FAM13C: variants seen among roughly 807,000 people sequenced by gnomAD.
FAM13C encodes family with sequence similarity 13 member C.
In FAM13C, 37 loss-of-function variants were observed where a neutral mutation model predicts 73.2. The observed-to-expected ratio is 0.51, with a 90% CI of 0.39 to 0.67. The LOEUF is 0.67. Ranked by LOEUF, FAM13C falls within the 30% of genes least tolerant of loss-of-function variation. The probability of loss-of-function intolerance (pLI) is 0.00; values close to 1 mark genes in which losing one functional copy is unlikely to be tolerated. For synonymous variants in FAM13C, 246 were observed against 260.9 expected, an observed-to-expected ratio of 0.94 and a Z score of 0.55; for missense variants, 589 against 715.6, an observed-to-expected ratio of 0.82 and a Z score of 2.02.
intron 7 of FAM13C, among the ~76,000 whole-genome samples, chr10:59,269,478 G>T (rs981544223): frequency 2.6e-5 from 4 of 151,406 alleles, no homozygotes; most frequent in African/African-American, 4.9e-5. Context: ...GCTATTGTAA[G>T]CTACCACTTT....
At chr10:59,283,535 G>C (rs1358231175) in intron 5 of FAM13C, 88 bp from the exon 6 acceptor site, 1 of 1,317,494 alleles carries the variant, frequency 7.6e-7, no homozygotes, top group Non-Finnish European at 1.1e-6. Flanking sequence ...AGAACATGAG[G>C]CCAGCTAAGT....
chr10:59,326,702 T>C (rs1851195062), intron 3 of FAM13C, among the ~76,000 whole-genome samples: 1 of 152,152 alleles, frequency 6.6e-6, no homozygotes, highest in Non-Finnish European at 1.5e-5. Context: ...TATGGGCAAA[T>C]AGCCCCAGCA....
intron 7 of FAM13C, among the ~76,000 whole-genome samples, chr10:59,269,035 T>G (rs1843398533): frequency 6.6e-6 from 1 of 152,170 alleles, no homozygotes; most frequent in African/African-American, 2.4e-5. Flanking sequence ...ACCAACATTT[T>G]CAAGGAAGAT....
intron 6 of FAM13C, among the ~76,000 whole-genome samples, chr10:59,274,399 C>T (rs1844087520): frequency 6.6e-6 from 1 of 152,110 alleles, no homozygotes; most frequent in South Asian, 2.1e-4. Flanking sequence ...GATGCAGTAT[C>T]GTCATGTCAG....
At chr10:59,329,385 A>C in intron 3 of FAM13C, among the ~76,000 whole-genome samples, 1 of 92,742 alleles carries the variant, frequency 1.1e-5, no homozygotes, top group Non-Finnish European at 2.0e-5. Context: ...TTTGAGACAG[A>C]ATCTTGCTCT....
At chr10:59,308,397 C>T (rs1361869143) in intron 4 of FAM13C, among the ~76,000 whole-genome samples, 12 of 151,948 alleles carry the variant, frequency 7.9e-5, no homozygotes, top group African/African-American at 2.9e-4. Flanking sequence ...CCACCATCAC[C>T]ACAACCACCA....
chr10:59,272,658 G>A (rs1464401723), intron 6 of FAM13C, among the ~76,000 whole-genome samples: 6 of 152,152 alleles, frequency 3.9e-5, no homozygotes, highest in African/African-American at 7.2e-5. Context: ...TCTGGGAGCC[G>A]GGAGTTTGGT....
At chr10:59,291,416 G>A (rs544528841) in intron 5 of FAM13C, among the ~76,000 whole-genome samples, 1 of 152,278 alleles carries the variant, frequency 6.6e-6, no homozygotes, top group Admixed American at 6.5e-5. Context: ...ATGGTTTGCA[G>A]CACAGCACAC....
intron 10 of FAM13C, among the ~76,000 whole-genome samples, chr10:59,259,710 A>G (rs1166097753): frequency 2.0e-5 from 3 of 152,204 alleles, no homozygotes; most frequent in African/African-American, 7.2e-5. Flanking sequence ...TAAACAAAAT[A>G]ATAGATACTT....
rs1003432948 is a variant in FAM13C, at chr10:59,273,516, AGTGACTCACT to A, written c.593-3417_593-3408del. ...TAATCATCATATCTAATATTTATGA[AGTGACTCACT>A]GTGTCCTCAATCTTATTCTGAGATT... On this transcript the variant is annotated intron_variant, in intron 6 of 13. Transcript: ENST00000618804. 1.1e-3 allele frequency among the ~76,000 whole-genome samples: 175 copies of A among 152,280 alleles called. 1 individual carries two copies. Among genetic ancestry groups the A allele is most frequent in the African/African-American group, 3.9e-3 (162 of 41,554 alleles).
At chr10:59,302,947 G>A in intron 4 of FAM13C, 83 bp from the exon 5 acceptor site, 1 of 1,256,772 alleles carries the variant, frequency 8.0e-7, no homozygotes, top group East Asian at 2.3e-5. Context: ...TACAAATCTG[G>A]CTGTACCCCT....
intron 5 of FAM13C, among the ~76,000 whole-genome samples, chr10:59,300,176 C>T (rs1847421932): frequency 6.6e-6 from 1 of 152,054 alleles, no homozygotes; most frequent in African/African-American, 2.4e-5. Flanking sequence ...CAAGCTGAGC[C>T]CCATCTGTCA....
At chr10:59,312,150 T>C (rs1291531605) in intron 4 of FAM13C, among the ~76,000 whole-genome samples, 1 of 152,122 alleles carries the variant, frequency 6.6e-6, no homozygotes, top group Non-Finnish European at 1.5e-5. Flanking sequence ...GACAGGTGAA[T>C]AGCTGATGAA....
intron 5 of FAM13C, 91 bp from the exon 6 acceptor site, chr10:59,283,538 A>G (rs775189903): frequency 1.6e-6 from 2 of 1,248,158 alleles, no homozygotes; most frequent in South Asian, 2.4e-5. Context: ...ACATGAGGCC[A>G]GCTAAGTAGA....
chr10:59,264,628 C>A (rs1026411576), intron 8 of FAM13C, among the ~76,000 whole-genome samples: 1 of 152,102 alleles, frequency 6.6e-6, no homozygotes, highest in African/African-American at 2.4e-5. Flanking sequence ...TGACCATAAC[C>A]CGTGGGAGAA....
intron 2 of FAM13C, among the ~76,000 whole-genome samples, chr10:59,353,986 G>A (rs1182320010): frequency 6.6e-6 from 1 of 152,062 alleles, no homozygotes; most frequent in Admixed American, 6.5e-5. Flanking sequence ...AACTATACTA[G>A]TTCATTTGAA....
rs774755628 is a variant in FAM13C, at chr10:59,270,132, C to G, written c.593-23G>C. The G allele has an allele frequency of 1.9e-6, 3 of 1,607,708 alleles. No individual in the cohort carries two copies. In the South Asian group the frequency reaches 3.3e-5, roughly 18 times the overall value. ...GGTCTGGGCAAATGAGACAAATCAT[C>G]AAGACTTAGAAGTGACAGAGGGCTT... On this transcript the variant is annotated intron_variant, in intron 6 of 13. Transcript: ENST00000618804.
chr10:59,250,992 A>C (rs989529831), intron 13 of FAM13C, among the ~76,000 whole-genome samples: 1 of 152,140 alleles, frequency 6.6e-6, no homozygotes, highest in Non-Finnish European at 1.5e-5. Flanking sequence ...ATGATACACC[A>C]AAAATTGGAG....
intron 6 of FAM13C, among the ~76,000 whole-genome samples, chr10:59,271,977 C>G (rs560507167): frequency 2.0e-5 from 3 of 152,152 alleles, no homozygotes; most frequent in Admixed American, 2.0e-4. Context: ...TTTTATAATG[C>G]CAAAATGGAA....
Sources: gnomAD v4.1 joint callset for allele counts (sites outside exome capture counted in the v4.1 genomes callset) on GRCh38, gnomAD v4.1.1 for gene constraint, MANE v1.5 for transcripts, NCBI Gene and HGNC (gene_info 2026-07-23, HGNC 2026-07-21) for gene names.